The following PHKA2 variants were observed in gnomAD, a reference collection of about 807,000 sequenced individuals.
The protein encoded by PHKA2 is phosphorylase kinase regulatory subunit alpha 2.
A neutral mutation model predicts 102.0 loss-of-function variants in PHKA2; 31 were observed. The observed-to-expected ratio is 0.30, with a 90% CI of 0.23 to 0.41. The LOEUF (loss-of-function observed/expected upper bound fraction) is 0.41. Among genes scored for constraint, PHKA2 ranks in the 10% least tolerant of loss-of-function variants. The probability of loss-of-function intolerance (pLI) is 1.00; values close to 1 mark genes in which losing one functional copy is unlikely to be tolerated. For missense variants in PHKA2, 858 were observed against 1,023.1 expected, an observed-to-expected ratio of 0.84 and a Z score of 2.20; for synonymous variants, 455 against 416.2, an observed-to-expected ratio of 1.09 and a Z score of -1.13.
At chrX:18,975,318 G>T (rs963195140) in intron 1 of PHKA2, among the ~76,000 whole-genome samples, 1 of 111,267 alleles carries the variant, frequency 9.0e-6, no homozygotes, top group African/African-American at 3.3e-5. Context: ...TATAAAAAGG[G>T]GAGTTTTCCT....
At position 18,939,696 on chromosome X, in the gene PHKA2, T is replaced by C. The variant is rs1669794541; in HGVS notation, c.918+299A>G. On this transcript the variant is annotated intron_variant, in intron 9 of 32. Transcript: ENST00000379942. ...TTTTAGTAGAGATGGGGTTTCACTGTGTTAGCCGGGATGGTCTCGATCTCC... is the reference window on the plus strand; with the variant it reads ...TTTTAGTAGAGATGGGGTTTCACTGCGTTAGCCGGGATGGTCTCGATCTCC... Among the ~76,000 whole-genome samples, 3 of 111,575 alleles carry C rather than the reference T, an allele frequency of 2.7e-5. No individual in the cohort carries two copies. The Admixed American group carries it at 2.9e-4, about 11-fold the overall frequency.
At chrX:18,963,672 T>C (rs188109257) in intron 1 of PHKA2, among the ~76,000 whole-genome samples, 2 of 112,044 alleles carry the variant, frequency 1.8e-5, no homozygotes, top group Non-Finnish European at 3.8e-5. Context: ...CATGATGAAC[T>C]AGACACCATA....
rs747280022 is a variant in PHKA2 at position 18,907,974 on chromosome X, C to T, written c.2443G>A (p.Gly815Ser). 2.8e-5 allele frequency: 34 copies of T among 1,209,345 alleles called. No homozygotes were observed. Among genetic ancestry groups the T allele is most frequent in the East Asian group, 5.9e-5 (2 of 33,757 alleles). ...ATCAGACCCCACTCCTGGTTCAAGCCGGCTTTCCCATAGAGCTCACCAAGA... is the reference window on the plus strand; with the variant it reads ...ATCAGACCCCACTCCTGGTTCAAGCTGGCTTTCCCATAGAGCTCACCAAGA... ...NLLGELYGKA[G>S]LNQEWGLIRY... The change falls in exon 22 of 33, where the codon GGC (glycine) becomes AGC (serine). Residue 815 changes from glycine to serine, a missense_variant. Gly to Ser is a moderately conservative substitution (Grantham distance 56). Around this residue, in one of 2 missense-constraint regions of PHKA2, gnomAD observed 671 missense variants for 745.2 expected, o/e 0.90. Transcript: ENST00000379942.
At position 18,980,016 on chromosome X, in the gene PHKA2, C is replaced by A. The variant is rs1601811573; in HGVS notation, c.78+3839G>T. ...CCTTGAGATGTAACTTTAGCCCCAA[C>A]CTTGAGCTCACAAAAACATGTGTTG... On this transcript the variant is annotated intron_variant, in intron 1 of 32. Coordinates refer to ENST00000379942, the MANE Select transcript of PHKA2 (RefSeq NM_000292.3). Among the ~76,000 whole-genome samples, 3 of 109,583 alleles carry A rather than the reference C, an allele frequency of 2.7e-5. No individual in the cohort carries two copies. In the Middle Eastern group the frequency reaches 0.014, roughly 527 times the overall value.
At chrX:18,947,763 C>T (rs1227186871) in intron 5 of PHKA2, among the ~76,000 whole-genome samples, 1 of 112,341 alleles carries the variant, frequency 8.9e-6, no homozygotes, top group Admixed American at 9.4e-5. Flanking sequence ...AAAGGCCCAT[C>T]AGTCAACGAG....
At chrX:18,941,717 TA>T in intron 7 of PHKA2, 42 bp from the exon 8 acceptor site, 1 of 932,411 alleles carries the variant, frequency 1.1e-6, no homozygotes, top group Non-Finnish European at 1.6e-6. Context: ...GGAGATGCGC[TA>T]ATAGGCGCAG....
intron 11 of PHKA2, among the ~76,000 whole-genome samples, chrX:18,933,535 T>C (rs111447190): frequency 0.059 from 6,655 of 112,597 alleles, 350 homozygotes; most frequent in African/African-American, 0.18. Flanking sequence ...CAAGCACATC[T>C]GGCTGAGGAA....
intron 1 of PHKA2, among the ~76,000 whole-genome samples, chrX:18,956,859 C>T (rs1270606310): frequency 8.9e-6 from 1 of 112,504 alleles, no homozygotes; most frequent in Admixed American, 9.4e-5. Context: ...CTGAAATGAC[C>T]ACAGATTGGC....
At chrX:18,923,990 G>A in intron 17 of PHKA2, 66 bp downstream of exon 17, 3 of 739,405 alleles carry the variant, frequency 4.1e-6, no homozygotes, top group Non-Finnish European at 6.4e-6. Context: ...AATGGGACAA[G>A]GGCAGCAAAG....
In PHKA2 at chrX:18,931,651, A is replaced by G; in HGVS notation, c.1235T>C (p.Leu412Pro). ...CCACTAAGCCCCTACCTCTGCCAAC[A>G]GCGAGCTGAGGATGTACAAGGATTG... ...WGQSLYILSS[L>P]LAEGFLAAGE... Residue 412 changes from leucine (L) to proline (P), a missense_variant, in exon 12 of 33, where the codon CTG (leucine) becomes CCG (proline). Physicochemically the swap from Leu to Pro is moderately conservative, Grantham distance 98. This residue lies in a region of PHKA2 where 671 missense variants were observed against 745.2 expected (regional missense o/e 0.90). Coordinates refer to ENST00000379942, the MANE Select transcript of PHKA2 (RefSeq NM_000292.3). The G allele has an allele frequency of 8.4e-7, 1 of 1,196,064 alleles. No homozygotes were observed. Among genetic ancestry groups the G allele is most frequent in the Non-Finnish European group, 1.1e-6 (1 of 881,086 alleles).
chrX:18,945,251 C>T, intron 5 of PHKA2, 93 bp from the exon 6 acceptor site: 1 of 559,080 alleles, frequency 1.8e-6, no homozygotes, highest in Non-Finnish European at 3.2e-6. Flanking sequence ...TGCAGCCACA[C>T]TGAAACATAA....
At chrX:18,930,247 C>T (rs896412027) in intron 12 of PHKA2, among the ~76,000 whole-genome samples, 15 of 111,753 alleles carry the variant, frequency 1.3e-4, no homozygotes, top group African/African-American at 2.9e-4. Flanking sequence ...TTGGCCCCCA[C>T]GCTACCACCA....
intron 27 of PHKA2, 120 bp downstream of exon 27, chrX:18,901,365 G>A (rs2047677523): frequency 5.4e-6 from 3 of 559,181 alleles, no homozygotes; most frequent in Non-Finnish European, 9.7e-6. Flanking sequence ...AGACAGAAGG[G>A]ACCTCCCACT....
chrX:18,904,014 G>T (rs1349185876), intron 26 of PHKA2, among the ~76,000 whole-genome samples: 2 of 111,917 alleles, frequency 1.8e-5, no homozygotes, highest in Non-Finnish European at 3.8e-5. Context: ...CAGCTCAAAG[G>T]TCACCTCCTC....
chrX:18,938,058 T>C (rs1270069004), intron 10 of PHKA2, among the ~76,000 whole-genome samples: 1 of 112,676 alleles, frequency 8.9e-6, no homozygotes. Flanking sequence ...CTCATGCCCT[T>C]GTCTAGTCCC....
chrX:18,942,690 A>G (rs906874997), intron 7 of PHKA2, among the ~76,000 whole-genome samples: 6 of 109,569 alleles, frequency 5.5e-5, no homozygotes, highest in African/African-American at 2.0e-4. Flanking sequence ...AAAAAAATTA[A>G]AAAAAAATTA....
intron 9 of PHKA2, 41 bp from the exon 10 acceptor site, chrX:18,938,790 A>C (rs1437028564): frequency 6.2e-6 from 7 of 1,136,059 alleles, no homozygotes; most frequent in Non-Finnish European, 4.8e-6. Context: ...GTGATGTCAG[A>C]ATACATACAT....
At chrX:18,983,051 C>T (rs1215322016) in intron 1 of PHKA2, among the ~76,000 whole-genome samples, 1 of 112,126 alleles carries the variant, frequency 8.9e-6, no homozygotes, top group African/African-American at 3.2e-5. Context: ...TGGAAATGAC[C>T]ATGGCTCCCA....
intron 1 of PHKA2, among the ~76,000 whole-genome samples, chrX:18,968,030 C>T (rs1490608507): frequency 1.8e-5 from 2 of 111,080 alleles, no homozygotes; most frequent in Non-Finnish European, 3.8e-5. Flanking sequence ...TTTACTAATT[C>T]GTTAACAAAA....
Sources: allele counts gnomAD v4.1 joint callset (sites outside exome capture counted in the v4.1 genomes callset), GRCh38; gene constraint gnomAD v4.1.1; regional missense constraint gnomAD v4.1.1; transcripts MANE v1.5; gene names NCBI Gene and HGNC (gene_info 2026-07-23, HGNC 2026-07-21).